Variants in ABCC11 observed in about 807,000 individuals in gnomAD.
ABCC11 encodes ATP binding cassette subfamily C member 11, also known as ATP-binding cassette sub-family C member 11.
In ABCC11, 135 loss-of-function variants were observed where a neutral mutation model predicts 149.3. The ratio of observed to expected loss-of-function variants is 0.90; its 90% CI spans 0.79 to 1.04. The LOEUF (loss-of-function observed/expected upper bound fraction) is 1.04. Among genes scored for constraint, ABCC11 ranks in the 50% least tolerant of loss-of-function variants. ABCC11 has a pLI of 0.00. For synonymous variants in ABCC11, 665 were observed against 671.4 expected, an observed-to-expected ratio of 0.99 and a Z score of 0.15; for missense variants, 1,680 against 1,722.1, an observed-to-expected ratio of 0.98 and a Z score of 0.43.
intron 1 of ABCC11, chr16:48,244,698 C>T: frequency 1.9e-6 from 2 of 1,074,312 alleles, no homozygotes; most frequent in Non-Finnish European, 1.2e-6. Flanking sequence ...CACGGCCTGC[C>T]TTGAGCGCGA....
chr16:48,170,981 GAA>G lies in ABCC11; in HGVS notation c.3699-16_3699-15del. The stretch of plus-strand genomic sequence containing the variant: ...TCTAGGTTGAATCTACCATATGAGA[GAA>G]AGAGAAGTGTTCAACAACATCACCC... On this transcript the variant is annotated splice_polypyrimidine_tract_variant and intron_variant, in intron 26 of 29. Coordinates refer to ENST00000356608, the MANE Select transcript of ABCC11 (RefSeq NM_001370497.1). The G allele has an allele frequency of 6.3e-7, 1 of 1,595,408 alleles. No individual in the cohort carries two copies. The highest frequency in any genetic ancestry group is 8.6e-7 in the Non-Finnish European group (1 of 1,162,994).
intron 10 of ABCC11, among the ~76,000 whole-genome samples, chr16:48,212,402 C>G (rs1969001212): frequency 6.6e-6 from 1 of 152,118 alleles, no homozygotes; most frequent in Admixed American, 6.5e-5. Flanking sequence ...AATACACTAA[C>G]ACCAATGATA....
chr16:48,246,220 A>T (rs904672278), intron 1 of ABCC11, among the ~76,000 whole-genome samples: 1 of 152,204 alleles, frequency 6.6e-6, no homozygotes, highest in Non-Finnish European at 1.5e-5. Context: ...TCAAGCATGG[A>T]AAATATTTTG....
chr16:48,174,607 C>A (rs886620593), intron 26 of ABCC11, among the ~76,000 whole-genome samples: 2 of 152,140 alleles, frequency 1.3e-5, no homozygotes, highest in African/African-American at 4.8e-5. Flanking sequence ...GACTGGGCTG[C>A]CTGGATTTTT....
chr16:48,173,484 C>A (rs1352989505), intron 26 of ABCC11, among the ~76,000 whole-genome samples: 1 of 152,136 alleles, frequency 6.6e-6, no homozygotes, highest in East Asian at 1.9e-4. Flanking sequence ...CATATAAATG[C>A]TCAATAAATG....
At chr16:48,225,838 C>T (rs1002925296) in intron 4 of ABCC11, among the ~76,000 whole-genome samples, 1 of 152,082 alleles carries the variant, frequency 6.6e-6, no homozygotes, top group East Asian at 1.9e-4. Flanking sequence ...TTCTGTATTT[C>T]GTAGTTTGCG....
intron 10 of ABCC11, among the ~76,000 whole-genome samples, chr16:48,212,930 G>A (rs1969043151): frequency 6.6e-6 from 1 of 152,170 alleles, no homozygotes; most frequent in Non-Finnish European, 1.5e-5. Context: ...AGGCCTGGAG[G>A]TGCAATAGGG....
chr16:48,222,904 A>C, intron 5 of ABCC11, 73 bp from the exon 6 acceptor site: 1 of 1,278,700 alleles, frequency 7.8e-7, no homozygotes. Context: ...TGCTGGAAGA[A>C]GGGTTGGGAG....
intron 1 of ABCC11, among the ~76,000 whole-genome samples, chr16:48,243,226 C>A (rs1344354872): frequency 6.6e-6 from 1 of 151,490 alleles, no homozygotes. Flanking sequence ...ATGGCGAAAC[C>A]CCGTCTCTAC....
In ABCC11 at chr16:48,167,131, T is replaced by TCCCCC; in HGVS notation, c.*142_*143insGGGGG. On this transcript the variant is annotated 3_prime_UTR_variant, in exon 30 of 30. Coordinates refer to ENST00000356608, the MANE Select transcript of ABCC11 (RefSeq NM_001370497.1). The stretch of plus-strand genomic sequence containing the variant: ...CTATTCCAGGGTTTCCATCCAGCAA[T>TCCCCC]CCCCACCCCCCCTACATTTACCCCT... The TCCCCC allele has an allele frequency of 6.7e-6, 4 of 595,592 alleles. No individual in the cohort carries two copies. The highest frequency in any genetic ancestry group is 6.2e-6 in the Non-Finnish European group (2 of 321,958). 36.9% of individuals were successfully genotyped at this position (595,592 alleles called of 1,614,324 possible). A position where few individuals can be genotyped will look rare whatever the true frequency, so the allele number is the denominator to read the frequency against.
At chr16:48,173,061 C>T (rs1965819471) in intron 26 of ABCC11, among the ~76,000 whole-genome samples, 1 of 152,188 alleles carries the variant, frequency 6.6e-6, no homozygotes, top group South Asian at 2.1e-4. Context: ...TTTGATATCT[C>T]CAAAGCACTT....
At chr16:48,169,759 C>A (rs1306868624) in intron 28 of ABCC11, among the ~76,000 whole-genome samples, 2 of 111,678 alleles carry the variant, frequency 1.8e-5, no homozygotes, top group Non-Finnish European at 3.3e-5. Context: ...CACACTGGGG[C>A]CTGTCGTGGG....
intron 11 of ABCC11, chr16:48,210,711 C>G (rs1968845671): frequency 1.8e-6 from 1 of 561,880 alleles, no homozygotes; most frequent in Non-Finnish European, 3.1e-6. Context: ...ACACAGTACT[C>G]TCATATTATT....
chr16:48,215,080 A>G (rs371196969), intron 8 of ABCC11, 51 bp from the exon 9 acceptor site: 1 of 1,606,410 alleles, frequency 6.2e-7, no homozygotes, highest in Non-Finnish European at 8.5e-7. Flanking sequence ...AACATTCTCC[A>G]AAGAGCACAG....
intron 7 of ABCC11, among the ~76,000 whole-genome samples, 185 bp from the exon 8 acceptor site, chr16:48,215,529 G>A (rs1475567795): frequency 6.6e-6 from 1 of 152,148 alleles, no homozygotes; most frequent in African/African-American, 2.4e-5. Flanking sequence ...TGAGTCCCAA[G>A]CCAGGCTATG....
intron 2 of ABCC11, 145 bp downstream of exon 2, chr16:48,231,678 A>C: frequency 1.1e-6 from 1 of 951,908 alleles, no homozygotes; most frequent in African/African-American, 2.6e-5. Flanking sequence ...AAAAAAAAAG[A>C]GAGAGAGAGA....
At chr16:48,170,059 G>A in intron 28 of ABCC11, 46 bp downstream of exon 28, 1 of 1,532,384 alleles carries the variant, frequency 6.5e-7, no homozygotes, top group Non-Finnish European at 9.0e-7. Flanking sequence ...CCCTCATCAT[G>A]CGTAGTCTGT....
intron 23 of ABCC11, among the ~76,000 whole-genome samples, chr16:48,179,821 G>C (rs1966315015): frequency 6.6e-6 from 1 of 152,220 alleles, no homozygotes. Flanking sequence ...AAGATGGGTG[G>C]AGAAGTGTGT....
intron 14 of ABCC11, among the ~76,000 whole-genome samples, chr16:48,202,036 T>C (rs1006577535): frequency 1.3e-5 from 2 of 152,208 alleles, no homozygotes; most frequent in Non-Finnish European, 2.9e-5. Context: ...ACCTGCTTGA[T>C]CTGGCCAAAG....
Sources: gnomAD v4.1 joint callset for allele counts (sites outside exome capture counted in the v4.1 genomes callset) on GRCh38, gnomAD v4.1.1 for gene constraint, MANE v1.5 for transcripts, NCBI Gene and HGNC (gene_info 2026-07-23, HGNC 2026-07-21) for gene names.